GPC5: variants seen among roughly 807,000 people sequenced by gnomAD.
GPC5 encodes glypican 5.
In GPC5, 47 loss-of-function variants were observed where a neutral mutation model predicts 53.9. The observed-to-expected ratio is 0.87, with a 90% CI of 0.69 to 1.11. The LOEUF is 1.11. GPC5 is among the 50% of genes most tolerant of loss of function. GPC5 has a pLI of 0.00. For missense variants in GPC5, 748 were observed against 713.1 expected (o/e 1.05, Z -0.56); for synonymous variants, 286 against 263.3 (o/e 1.09, Z -0.84).
intron 7 of GPC5, among the ~76,000 whole-genome samples, chr13:92,755,027 A>T (rs910891761): frequency 5.9e-5 from 9 of 152,094 alleles, no homozygotes; most frequent in Non-Finnish European, 1.2e-4. Flanking sequence ...CAGAATATAC[A>T]TTTTTTCAGC....
intron 2 of GPC5, among the ~76,000 whole-genome samples, chr13:91,573,186 A>C (rs944914387): frequency 2.0e-5 from 3 of 152,174 alleles, no homozygotes. Flanking sequence ...CTCGTTTCCA[A>C]GGCAGAGCTG....
intron 7 of GPC5, among the ~76,000 whole-genome samples, chr13:92,378,613 G>A (rs570142904): frequency 2.4e-4 from 36 of 152,106 alleles, no homozygotes; most frequent in African/African-American, 7.2e-4. Flanking sequence ...TCTTAGTACC[G>A]TTACCTAATT....
At chr13:91,414,907 G>C (rs1435060374) in intron 1 of GPC5, among the ~76,000 whole-genome samples, 3 of 152,154 alleles carry the variant, frequency 2.0e-5, no homozygotes, top group Non-Finnish European at 2.9e-5. Flanking sequence ...AAATCCACAG[G>C]GGTTTGATAC....
At chr13:91,528,164 C>T (rs1000851895) in intron 2 of GPC5, among the ~76,000 whole-genome samples, 1 of 152,208 alleles carries the variant, frequency 6.6e-6, no homozygotes, top group African/African-American at 2.4e-5. Context: ...GGTCAGGCTG[C>T]AAATTTTCCA....
chr13:91,818,958 A>G (rs1479595528), intron 5 of GPC5, among the ~76,000 whole-genome samples: 4 of 151,828 alleles, frequency 2.6e-5, no homozygotes, highest in African/African-American at 7.2e-5. Context: ...TGTAAAACAT[A>G]TATGTGGCAT....
intron 2 of GPC5, among the ~76,000 whole-genome samples, chr13:91,659,314 G>A (rs1003947381): frequency 5.9e-5 from 9 of 152,148 alleles, no homozygotes; most frequent in African/African-American, 2.2e-4. Flanking sequence ...GTAGCGAAGT[G>A]CCCTTGGCAT....
At chr13:91,973,451 CCTT>C (rs1479068007) in intron 6 of GPC5, among the ~76,000 whole-genome samples, 1 of 152,204 alleles carries the variant, frequency 6.6e-6, no homozygotes, top group Non-Finnish European at 1.5e-5. Context: ...TCATCTGGAG[CCTT>C]CTTCTCTCAA....
intron 7 of GPC5, among the ~76,000 whole-genome samples, chr13:92,316,285 C>T (rs1194688342): frequency 1.3e-5 from 2 of 152,064 alleles, no homozygotes; most frequent in Admixed American, 1.3e-4. Flanking sequence ...TTAAATACTT[C>T]AGGATAACTA....
chr13:92,572,093 T>G (rs531631939), intron 7 of GPC5, among the ~76,000 whole-genome samples: 80 of 152,306 alleles, frequency 5.3e-4, no homozygotes, highest in African/African-American at 1.9e-3. Context: ...TAAATCTACT[T>G]CATCTAGATT....
At chr13:91,974,658 T>C (rs2040280143) in intron 6 of GPC5, among the ~76,000 whole-genome samples, 2 of 152,120 alleles carry the variant, frequency 1.3e-5, no homozygotes, top group Admixed American at 1.3e-4. Flanking sequence ...TGCTCATGGG[T>C]AGGAAGAATC....
At chr13:92,483,054 C>T (rs1333342519) in intron 7 of GPC5, among the ~76,000 whole-genome samples, 3 of 152,114 alleles carry the variant, frequency 2.0e-5, no homozygotes, top group African/African-American at 7.2e-5. Flanking sequence ...TCTATAAAAC[C>T]ATCAGATTGA....
chr13:92,423,138 A>G (rs998862871), intron 7 of GPC5, among the ~76,000 whole-genome samples: 2 of 152,186 alleles, frequency 1.3e-5, no homozygotes, highest in African/African-American at 2.4e-5. Context: ...GGTTTCCTCT[A>G]TAAGTACACT....
intron 2 of GPC5, among the ~76,000 whole-genome samples, chr13:91,673,826 G>A (rs755246395): frequency 3.5e-4 from 54 of 152,156 alleles, no homozygotes; most frequent in Non-Finnish European, 7.1e-4. Context: ...AAAGGTCTAT[G>A]TATTTTCCTT....
intron 7 of GPC5, among the ~76,000 whole-genome samples, chr13:92,196,694 C>A (rs2042258847): frequency 6.6e-6 from 1 of 152,178 alleles, no homozygotes; most frequent in Non-Finnish European, 1.5e-5. Context: ...TGCTTTCTAA[C>A]ATGCCAACAT....
At chr13:92,549,223 A>T (rs1310264127) in intron 7 of GPC5, among the ~76,000 whole-genome samples, 1 of 152,136 alleles carries the variant, frequency 6.6e-6, no homozygotes, top group Non-Finnish European at 1.5e-5. Context: ...TCAACATGTC[A>T]GATCAAAGAA....
chr13:92,264,397 C>A (rs1332649588), intron 7 of GPC5, among the ~76,000 whole-genome samples: 1 of 152,066 alleles, frequency 6.6e-6, no homozygotes, highest in East Asian at 1.9e-4. Flanking sequence ...GCATTTAGCA[C>A]CATATTTTGC....
At chr13:92,395,648 T>C (rs1875234401) in intron 7 of GPC5, among the ~76,000 whole-genome samples, 1 of 152,202 alleles carries the variant, frequency 6.6e-6, no homozygotes, top group Non-Finnish European at 1.5e-5. Flanking sequence ...AAAGTCTTTA[T>C]TTTGCCTTCA....
rs1491276359 is a variant in GPC5, at chr13:92,347,863, ATT to A, written c.1561+202875_1561+202876del. Among the ~76,000 whole-genome samples, 95 of 17,716 alleles carry A rather than the reference ATT, an allele frequency of 5.4e-3. 9 individuals are homozygous for A. Among genetic ancestry groups the A allele is most frequent in the African/African-American group, 0.046 (87 of 1,894 alleles). The allele number at this position is 17,716 out of a possible 152,430, so 11.6% of individuals were successfully genotyped here. A position where few individuals can be genotyped will look rare whatever the true frequency, so the allele number is the denominator to read the frequency against. On this transcript the variant is annotated intron_variant, in intron 7 of 7. Coordinates refer to ENST00000377067, the MANE Select transcript of GPC5 (RefSeq NM_004466.6). ...AATAGGCTGTTTTATACATATATATATTATATATATAATATATATTATATATA... is the reference window on the plus strand; with the variant it reads ...AATAGGCTGTTTTATACATATATATAATATATATAATATATATTATATATA...
At chr13:92,432,964 A>G (rs1310439827) in intron 7 of GPC5, among the ~76,000 whole-genome samples, 2 of 152,152 alleles carry the variant, frequency 1.3e-5, no homozygotes, top group Non-Finnish European at 2.9e-5. Flanking sequence ...TATTAGAGAA[A>G]CTGTGAATAG....
Sources: allele counts gnomAD v4.1 joint callset (sites outside exome capture counted in the v4.1 genomes callset), GRCh38; gene constraint gnomAD v4.1.1; transcripts MANE v1.5; gene names NCBI Gene and HGNC (gene_info 2026-07-23, HGNC 2026-07-21).